The following RAB32 variants were observed in gnomAD, a reference collection of about 807,000 sequenced individuals.
RAB32 encodes ras-related protein Rab-32.
In RAB32, 17 loss-of-function variants were observed where a neutral mutation model predicts 17.5. That is an observed-to-expected ratio of 0.97 (90% confidence interval 0.67 to 1.46). RAB32 has a LOEUF of 1.46. Ranked by LOEUF, RAB32 falls within the 40% of genes most tolerant of loss-of-function variation. RAB32 has a pLI of 0.00. For synonymous variants in RAB32, 115 were observed against 111.1 expected, an observed-to-expected ratio of 1.04 and a Z score of -0.22; for missense variants, 288 against 284.3, an observed-to-expected ratio of 1.01 and a Z score of -0.09.
intron 2 of RAB32, among the ~76,000 whole-genome samples, chr6:146,552,090 A>G: frequency 6.6e-6 from 1 of 152,212 alleles, no homozygotes. Context: ...CTAGGAACAT[A>G]GGCAAAAGAT....
Position 146,543,928 on chromosome 6 carries a change from C to G in RAB32, c.57C>G (p.Pro19=), listed in dbSNP as rs771436382. The G allele has an allele frequency of 4.4e-6, 7 of 1,606,246 alleles. No homozygotes were observed. Among genetic ancestry groups the G allele is most frequent in the South Asian group, 3.3e-5 (3 of 90,776 alleles). ...TGGGGGCGGCCGCCGCCCCAGCGCC[C>G]GAGACCCGCGAGCACCTCTTCAAGG... The part of the protein sequence containing the change: ...PGLGAAAAPA[P]ETREHLFKVL... The change falls in exon 1 of 3, where the codon CCC becomes CCG. Residue 19 remains proline (P), a synonymous_variant. Transcript: ENST00000367495.
intron 1 of RAB32, among the ~76,000 whole-genome samples, chr6:146,549,228 G>A (rs1052307233): frequency 6.6e-6 from 1 of 152,134 alleles, no homozygotes; most frequent in African/African-American, 2.4e-5. Context: ...GGTTTTTATG[G>A]AGAATATGTT....
At chr6:146,551,877 T>C (rs941540948) in intron 2 of RAB32, among the ~76,000 whole-genome samples, 17 of 152,174 alleles carry the variant, frequency 1.1e-4, no homozygotes, top group African/African-American at 4.1e-4. Flanking sequence ...CATACAAATA[T>C]AATAGAAGCA....
intron 1 of RAB32, among the ~76,000 whole-genome samples, chr6:146,545,738 A>G (rs1583535356): frequency 6.6e-6 from 1 of 152,194 alleles, no homozygotes; most frequent in South Asian, 2.1e-4. Context: ...TTTTCGAAAC[A>G]CTTCCTGCCG....
intron 1 of RAB32, among the ~76,000 whole-genome samples, chr6:146,546,782 G>GTTTTTTTTTTTTTTTTTTTTTTTT (rs962778741): frequency 8.4e-6 from 1 of 118,518 alleles, no homozygotes; most frequent in African/African-American, 3.5e-5. Flanking sequence ...TACTAGTTAG[G>GTTTTTTTTTTTTTTTTTTTTTTTT]TTTTTTTTTT....
At chr6:146,553,284 C>T (rs182831233) in intron 2 of RAB32, among the ~76,000 whole-genome samples, 58 of 152,060 alleles carry the variant, frequency 3.8e-4, no homozygotes, top group African/African-American at 1.1e-3. Flanking sequence ...GGGAAAAGTG[C>T]GGTGAGAAAC....
chr6:146,545,737 C>T (rs1012235377), intron 1 of RAB32, among the ~76,000 whole-genome samples: 3 of 152,148 alleles, frequency 2.0e-5, no homozygotes, highest in East Asian at 3.9e-4. Context: ...TTTTTCGAAA[C>T]ACTTCCTGCC....
At position 146,549,678 on chromosome 6, in the gene RAB32, T is replaced by G. The variant is rs754741614; in HGVS notation, c.465T>G (p.Pro155=). The part of the protein sequence containing the change: ...CDQNKDSSQS[P]SQVDQFCKEH... ...AGAACAAGGACAGTAGCCAGAGTCC[T>G]TCCCAGGTGGACCAATTCTGCAAAG... The change falls in exon 2 of 3, where the codon CCT becomes CCG. Residue 155 remains proline, a synonymous_variant. Coordinates refer to ENST00000367495, the MANE Select transcript of RAB32 (RefSeq NM_006834.5). The G allele has an allele frequency of 6.2e-7, 1 of 1,614,230 alleles. No homozygotes were observed.
At chr6:146,552,977 T>A (rs1424597653) in intron 2 of RAB32, among the ~76,000 whole-genome samples, 1 of 152,188 alleles carries the variant, frequency 6.6e-6, no homozygotes, top group African/African-American at 2.4e-5. Flanking sequence ...CTGTAATGGG[T>A]TCAACTTATA....
chr6:146,543,955 G>A lies in RAB32; in HGVS notation c.84G>A (p.Val28=), dbSNP rs760400455. 6.2e-7 allele frequency: 1 copy of A among 1,613,130 alleles called. No individual in the cohort carries two copies. Among genetic ancestry groups the A allele is most frequent in the African/African-American group, 1.3e-5 (1 of 74,900 alleles). Residue 28 remains valine, a synonymous_variant, in exon 1 of 3, where the codon GTG becomes GTA. Coordinates refer to ENST00000367495, the MANE Select transcript of RAB32 (RefSeq NM_006834.5). ...AGACCCGCGAGCACCTCTTCAAGGTGCTGGTGATCGGCGAGCTTGGCGTGG... is the reference window on the plus strand; with the variant it reads ...AGACCCGCGAGCACCTCTTCAAGGTACTGGTGATCGGCGAGCTTGGCGTGG... ...APETREHLFK[V]LVIGELGVGK...
rs1431531152 is a variant in RAB32 at position 146,544,094 on chromosome 6, G to A, written c.223G>A (p.Val75Met). Residue 75 changes from valine to methionine, a missense_variant, in exon 1 of 3, where the codon GTG becomes ATG. Val to Met is a conservative substitution (Grantham distance 21). Transcript: ENST00000367495. ...KVLNWDSRTL[V>M]RLQLWDIAGQ... ...CCTCAACTGGGACAGCAGGACTCTG[G>A]TGCGCCTGCAGCTGTGGGACATCGC... The A allele has an allele frequency of 1.1e-5, 17 of 1,612,988 alleles. No homozygotes were observed. The highest frequency in any genetic ancestry group is 1.4e-5 in the Non-Finnish European group (17 of 1,179,628).
At chr6:146,544,259 C>A (rs1454637506) in intron 1 of RAB32, 138 bp downstream of exon 1, 8 of 1,189,670 alleles carry the variant, frequency 6.7e-6, no homozygotes, top group Non-Finnish European at 7.9e-6. Flanking sequence ...AATCCAAGGG[C>A]GAGATGCGAT....
chr6:146,553,806 A>T lies in RAB32; in HGVS notation c.529-650A>T, dbSNP rs1562732246. Among the ~76,000 whole-genome samples, 5 of 152,212 alleles carry T rather than the reference A, an allele frequency of 3.3e-5. No homozygotes were observed. In the South Asian group the frequency reaches 8.3e-4, roughly 25 times the overall value. The stretch of plus-strand genomic sequence containing the variant: ...TGTTTTTGTAAATCCAAAATTATTT[A>T]AAAATGAACAGTTAAATATATTTAA... On this transcript the variant is annotated intron_variant, in intron 2 of 2. Coordinates refer to ENST00000367495, the MANE Select transcript of RAB32 (RefSeq NM_006834.5).
At chr6:146,554,424 A>G in intron 2 of RAB32, 32 bp from the exon 3 acceptor site, 1 of 1,576,688 alleles carries the variant, frequency 6.3e-7, no homozygotes, top group Non-Finnish European at 8.6e-7. Context: ...TAATCCTAAA[A>G]ATTAATCCCG....
intron 2 of RAB32, among the ~76,000 whole-genome samples, chr6:146,553,282 T>G (rs1340531246): frequency 6.6e-6 from 1 of 152,082 alleles, no homozygotes; most frequent in Non-Finnish European, 1.5e-5. Flanking sequence ...TGGGGAAAAG[T>G]GCGGTGAGAA....
At chr6:146,546,624 C>G (rs149212858) in intron 1 of RAB32, among the ~76,000 whole-genome samples, 1 of 152,200 alleles carries the variant, frequency 6.6e-6, no homozygotes, top group Admixed American at 6.5e-5. Context: ...GGCTGCTCCA[C>G]AAACTTCCCC....
At chr6:146,544,168 C>T in intron 1 of RAB32, 47 bp downstream of exon 1, 1 of 1,553,584 alleles carries the variant, frequency 6.4e-7, no homozygotes, top group Middle Eastern at 2.0e-4. Context: ...GCCGGGCCGC[C>T]TGGCTCCTCT....
intron 1 of RAB32, among the ~76,000 whole-genome samples, chr6:146,548,541 C>A (rs911088879): frequency 7.9e-5 from 12 of 152,130 alleles, no homozygotes; most frequent in Admixed American, 7.9e-4. Context: ...TAGTCAGTAA[C>A]TAAGTCAAGG....
chr6:146,552,329 C>G (rs1216745423), intron 2 of RAB32, among the ~76,000 whole-genome samples: 1 of 151,976 alleles, frequency 6.6e-6, no homozygotes, highest in African/African-American at 2.4e-5. Context: ...AAGATCAATA[C>G]TTGAATTAAA....
Sources: allele counts gnomAD v4.1 joint callset (sites outside exome capture counted in the v4.1 genomes callset), GRCh38; gene constraint gnomAD v4.1.1; transcripts MANE v1.5; gene names NCBI Gene and HGNC (gene_info 2026-07-23, HGNC 2026-07-21).